MYO1H: variants seen among roughly 807,000 people sequenced by gnomAD.
MYO1H encodes unconventional myosin-Ih.
A neutral mutation model predicts 149.3 loss-of-function variants in MYO1H; 118 were observed. The ratio of observed to expected loss-of-function variants is 0.79; its 90% CI spans 0.68 to 0.92. MYO1H has a LOEUF of 0.92. MYO1H is among the 40% of genes least tolerant of loss of function. The pLI is 0.00. For missense variants in MYO1H, 1,212 were observed against 1,280.7 expected (o/e 0.95, Z 0.82); for synonymous variants, 447 against 465.2 (o/e 0.96, Z 0.50).
At chr12:109,401,130 T>C in exon 6 of MYO1H, 4 of 1,613,944 alleles carry the variant, frequency 2.5e-6, no homozygotes, top group Middle Eastern at 1.6e-4. Flanking sequence ...AGTTACTTGA[T>C]AGAGAAGTCC....
chr12:109,322,303 G>T, the MYO1H span, among the ~76,000 whole-genome samples: 2 of 152,122 alleles, frequency 1.3e-5, no homozygotes, highest in Non-Finnish European at 2.9e-5. Flanking sequence ...TACATTTCCA[G>T]CCTTTCAGAG....
At chr12:109,411,129 G>A (rs1425380265) in intron 13 of MYO1H, among the ~76,000 whole-genome samples, 1 of 151,876 alleles carries the variant, frequency 6.6e-6, no homozygotes, top group Non-Finnish European at 1.5e-5. Context: ...GCGACAGAGG[G>A]AGACTCCATC....
chr12:109,319,229 T>G, the MYO1H span, among the ~76,000 whole-genome samples: 3 of 152,168 alleles, frequency 2.0e-5, no homozygotes, highest in East Asian at 3.8e-4. Context: ...GGCTTCTCCA[T>G]GCAATGGAAT....
In MYO1H at chr12:109,391,106, CATGTGCAGG is replaced by C. The variant is rs950020700; in HGVS notation, c.175-2215_175-2207del. ...TCTTCAACTTTTAACTTCAGGGGTA[CATGTGCAGG>C]ATGTGCAGGTTTGTTACATAGGTAA... is the stretch of plus-strand genomic sequence containing the variant. On this transcript the variant is annotated intron_variant, in intron 2 of 31. Transcript: ENST00000310903. 8.5e-5 allele frequency among the ~76,000 whole-genome samples: 13 copies of C among 152,290 alleles called. 1 individual carries two copies. The highest frequency in any genetic ancestry group is 2.6e-4 in the African/African-American group (11 of 41,564).
At chr12:109,360,875 T>G (rs1868729145) in intron 1 of MYO1H, among the ~76,000 whole-genome samples, 1 of 152,202 alleles carries the variant, frequency 6.6e-6, no homozygotes. Flanking sequence ...GAAACAATAA[T>G]CTACACTTTT....
intron 2 of MYO1H, among the ~76,000 whole-genome samples, chr12:109,393,100 G>A (rs117692896): frequency 0.035 from 5,311 of 152,066 alleles, 123 homozygotes; most frequent in Middle Eastern, 0.065. Flanking sequence ...GATCCACCGC[G>A]CCCGGCCATG....
At chr12:109,387,037 TGTGTA>T (rs1555249856) in intron 1 of MYO1H, among the ~76,000 whole-genome samples, 2 of 141,322 alleles carry the variant, frequency 1.4e-5, no homozygotes, top group East Asian at 2.0e-4. Context: ...TGTGTGTGTG[TGTGTA>T]GTGTAGTGTA....
chr12:109,370,411 A>G (rs1868956795), intron 1 of MYO1H, among the ~76,000 whole-genome samples: 1 of 152,230 alleles, frequency 6.6e-6, no homozygotes, highest in African/African-American at 2.4e-5. Flanking sequence ...ATGTCTACCC[A>G]GCAGTGGGAT....
the MYO1H span, among the ~76,000 whole-genome samples, chr12:109,334,463 A>G: frequency 6.6e-6 from 1 of 152,212 alleles, no homozygotes; most frequent in South Asian, 2.1e-4. Context: ...GGTGTGAGGC[A>G]CCAGGCCCAG....
At chr12:109,323,127 A>G in the MYO1H span, among the ~76,000 whole-genome samples, 2 of 152,094 alleles carry the variant, frequency 1.3e-5, no homozygotes, top group Admixed American at 1.3e-4. Flanking sequence ...CAATACCCAT[A>G]ATGAAATGTC....
chr12:109,342,541 C>CTTTTTT, the MYO1H span, among the ~76,000 whole-genome samples: 8 of 100,518 alleles, frequency 8.0e-5, no homozygotes, highest in African/African-American at 3.2e-4. Flanking sequence ...CTTCAGGAGA[C>CTTTTTT]TTTTTTTTTT....
chr12:109,311,079 C>A, the MYO1H span, among the ~76,000 whole-genome samples: 1 of 152,176 alleles, frequency 6.6e-6, no homozygotes. Context: ...GACTTGACAA[C>A]CTCCTTGTGA....
chr12:109,311,132 A>G, the MYO1H span, among the ~76,000 whole-genome samples: 27 of 152,160 alleles, frequency 1.8e-4, no homozygotes, highest in Non-Finnish European at 3.7e-4. Context: ...ATATCTTCAG[A>G]ATGGTTTGGA....
At chr12:109,368,661 G>A (rs1308239488) in intron 1 of MYO1H, among the ~76,000 whole-genome samples, 2 of 114,384 alleles carry the variant, frequency 1.7e-5, no homozygotes, top group Admixed American at 1.9e-4. Flanking sequence ...AAAAAAAAAA[G>A]GGTTCTTGCT....
In MYO1H at chr12:109,426,030, C is replaced by T. The variant is rs201661146; in HGVS notation, c.1810C>T (p.Pro604Ser). Residue 604 changes from proline to serine, a missense_variant, in exon 18 of 32, where the codon CCC becomes TCC. By Grantham distance (74) the Pro-to-Ser change is moderately conservative. Transcript: ENST00000310903. ...GCCCTCCTACATCCGTTGCATCAAG[C>T]CCAACGACAGGAAAGAACCCAGTGA... is the stretch of plus-strand genomic sequence containing the variant. The T allele has an allele frequency of 4.9e-4, 791 of 1,613,496 alleles. 3 individuals carry two copies. Among genetic ancestry groups the T allele is most frequent in the Non-Finnish European group, 4.1e-4 (489 of 1,179,502 alleles).
chr12:109,414,345 C>T (rs1592803956), intron 14 of MYO1H, among the ~76,000 whole-genome samples: 2 of 151,306 alleles, frequency 1.3e-5, no homozygotes, highest in Admixed American at 6.6e-5. Flanking sequence ...GGTGTGGTGG[C>T]TTACGCCTGT....
chr12:109,380,844 GC>G (rs943013614), intron 1 of MYO1H, among the ~76,000 whole-genome samples: 21 of 152,170 alleles, frequency 1.4e-4, no homozygotes, highest in African/African-American at 5.1e-4. Context: ...TACTCGGGAG[GC>G]TGAGGCAGGA....
At chr12:109,428,160 CCTGA>C (rs1159296512) in intron 19 of MYO1H, among the ~76,000 whole-genome samples, 1 of 151,526 alleles carries the variant, frequency 6.6e-6, no homozygotes. Context: ...TTCACTAATC[CCTGA>C]CTGTTTACAG....
At chr12:109,330,029 G>A in the MYO1H span, among the ~76,000 whole-genome samples, 1 of 152,190 alleles carries the variant, frequency 6.6e-6, no homozygotes, top group Non-Finnish European at 1.5e-5. Flanking sequence ...CGGACTGGGG[G>A]CCTGGGACAG....
Sources: allele counts gnomAD v4.1 joint callset (sites outside exome capture counted in the v4.1 genomes callset), GRCh38; gene constraint gnomAD v4.1.1; transcripts MANE v1.5; gene names NCBI Gene and HGNC (gene_info 2026-07-23, HGNC 2026-07-21).